PSG2: variants seen among roughly 807,000 people sequenced by gnomAD.
The protein encoded by PSG2 is pregnancy specific beta-1-glycoprotein 2, also known as pregnancy-specific beta-1-glycoprotein 2.
PSG2 carries 49 observed loss-of-function variants against 36.2 expected under a neutral mutation model. The observed-to-expected ratio is 1.35, with a 90% confidence interval of 1.08 to 1.72. PSG2 has a LOEUF of 1.72. PSG2 is among the 40% of genes most tolerant of loss of function. The pLI is 0.00. For synonymous variants in PSG2, 261 were observed against 155.6 expected, an observed-to-expected ratio of 1.68 and a Z score of -5.04; for missense variants, 605 against 407.2, an observed-to-expected ratio of 1.49 and a Z score of -4.18.
chr19:43,074,118 C>T (rs573972427), intron 3 of PSG2, among the ~76,000 whole-genome samples: 3 of 151,622 alleles, frequency 2.0e-5, no homozygotes, highest in Non-Finnish European at 2.9e-5. Flanking sequence ...TCTGTGTCAT[C>T]AGAACTTTCC....
At chr19:43,067,073 G>A (rs1487616958) in intron 4 of PSG2, among the ~76,000 whole-genome samples, 1 of 151,470 alleles carries the variant, frequency 6.6e-6, no homozygotes, top group South Asian at 2.1e-4. Flanking sequence ...CTCCCAGCAA[G>A]GGTGTGAAAG....
Position 43,071,703 on chromosome 19 carries a change from A to C in PSG2, c.961T>G (p.Ser321Ala). Residue 321 changes from serine (S) to alanine (A), a missense_variant, in exon 4 of 6, where the codon TCT becomes GCT. Physicochemically the swap from Ser to Ala is moderately conservative, Grantham distance 99. Transcript: ENST00000406487. Reference protein sequence around the residue: ...ESSTSLTVKVSASTRIGLLPL... With the variant: ...ESSTSLTVKVAASTRIGLLPL... ...AAGGATGCTGGGATCCACTTACCAG[A>C]GACTTTGACTGTCAACGATGTGGAG... 9 of 1,612,988 alleles carry C rather than the reference A, an allele frequency of 5.6e-6. 1 individual carries two copies. The highest frequency in any genetic ancestry group is 7.6e-6 in the Non-Finnish European group (9 of 1,179,492).
intron 3 of PSG2, among the ~76,000 whole-genome samples, chr19:43,073,302 A>G (rs988572137): frequency 7.9e-5 from 12 of 151,946 alleles, no homozygotes; most frequent in South Asian, 2.1e-4. Context: ...AATGATCTAG[A>G]AAGAGTGAAG....
At position 43,076,791 on chromosome 19, in the gene PSG2, G is replaced by A. The variant is rs1038977921; in HGVS notation, c.431-1159C>T. 4.7e-4 allele frequency among the ~76,000 whole-genome samples: 71 copies of A among 150,474 alleles called. 3 individuals are homozygous for A. The highest frequency in any genetic ancestry group is 1.3e-4 in the Admixed American group (2 of 15,142). On this transcript the variant is annotated intron_variant, in intron 2 of 5. Transcript: ENST00000406487. ...TTCATTCAGATAAAGTGCTCCTTAT[G>A]CAGAAAGCTTAAAACAAAGTGTTTT...
chr19:43,070,610 T>C (rs1292230542), intron 4 of PSG2, among the ~76,000 whole-genome samples: 1 of 151,692 alleles, frequency 6.6e-6, no homozygotes, highest in African/African-American at 2.4e-5. Flanking sequence ...GGATAATTAT[T>C]ATATAATTCC....
chr19:43,080,128 A>G (rs1263006738), intron 2 of PSG2, among the ~76,000 whole-genome samples: 1 of 151,846 alleles, frequency 6.6e-6, no homozygotes, highest in Non-Finnish European at 1.5e-5. Context: ...GCACCGTTAC[A>G]TCAGATCCCT....
At chr19:43,072,171 C>T (rs539997296) in intron 3 of PSG2, among the ~76,000 whole-genome samples, 3 of 151,760 alleles carry the variant, frequency 2.0e-5, no homozygotes, top group Admixed American at 1.3e-4. Flanking sequence ...CCGTCCACTC[C>T]CCTTATATTC....
chr19:43,078,681 G>C (rs1482696211), intron 2 of PSG2, among the ~76,000 whole-genome samples: 2 of 151,598 alleles, frequency 1.3e-5, no homozygotes, highest in African/African-American at 4.9e-5. Context: ...TCTAAGCCCT[G>C]ATCCACTGGG....
rs1967963922 is a variant in PSG2 at position 43,081,008 on chromosome 19, T to C, written c.303A>G (p.Ala101=). 1.9e-6 allele frequency: 3 copies of C among 1,613,170 alleles called. No homozygotes were observed. Among genetic ancestry groups the C allele is most frequent in the Non-Finnish European group, 2.5e-6 (3 of 1,179,720 alleles). Reference sequence around the variant, plus strand: ...GGATCAGCAGGGATGCATTGGAATATGCTGTTTCTCGTCCACTATATGCAG... The same window carrying C: ...GGATCAGCAGGGATGCATTGGAATACGCTGTTTCTCGTCCACTATATGCAG... ...YGPAYSGRET[A]YSNASLLIQN... Residue 101 remains alanine (A), a synonymous_variant, in exon 2 of 6, where the codon GCA becomes GCG. Coordinates refer to ENST00000406487, the MANE Select transcript of PSG2 (RefSeq NM_031246.4).
Position 43,064,523 on chromosome 19 carries a change from CT to C in PSG2, c.*118del. 1.6e-6 allele frequency: 1 copy of C among 610,014 alleles called. No individual in the cohort carries two copies. Among genetic ancestry groups the C allele is most frequent in the East Asian group, 3.0e-5 (1 of 32,826 alleles). 37.8% of individuals were successfully genotyped at this position (610,014 alleles called of 1,614,324 possible). On this transcript the variant is annotated 3_prime_UTR_variant, in exon 6 of 6. Transcript: ENST00000406487. Reference sequence around the variant, plus strand: ...CCTGTTCATTAAAATTTTGAAAGTTCTTAGTCCAGTGGTATGATCTTGAAGT... The same window carrying C: ...CCTGTTCATTAAAATTTTGAAAGTTCTAGTCCAGTGGTATGATCTTGAAGT...
In PSG2 at chr19:43,073,578, C is replaced by G. The variant is rs115188813; in HGVS notation, c.710-1624G>C. ...CAAATATTTTCTTTCATTGAACAAT[C>G]TACTCTGTGATTCCCTGGGTTCGAC... On this transcript the variant is annotated intron_variant, in intron 3 of 5. Transcript: ENST00000406487. Among the ~76,000 whole-genome samples the G allele has an allele frequency of 7.0e-3, 1,062 of 151,794 alleles. 36 individuals are homozygous for G. Among genetic ancestry groups the G allele is most frequent in the African/African-American group, 0.021 (866 of 41,188 alleles).
intron 4 of PSG2, 41 bp from the exon 5 acceptor site, chr19:43,066,641 T>C (rs758793621): frequency 3.1e-5 from 48 of 1,534,812 alleles, no homozygotes; most frequent in Non-Finnish European, 3.2e-5. Context: ...GAAGGTGATG[T>C]TATTTTACAT....
chr19:43,078,005 G>T (rs866036390), intron 2 of PSG2, among the ~76,000 whole-genome samples: 2 of 151,664 alleles, frequency 1.3e-5, no homozygotes, highest in Non-Finnish European at 2.9e-5. Flanking sequence ...ATGGAGTCAC[G>T]AGTGAAATGG....
intron 4 of PSG2, among the ~76,000 whole-genome samples, chr19:43,067,208 T>C (rs192070916): frequency 7.7e-4 from 117 of 151,596 alleles, no homozygotes; most frequent in Non-Finnish European, 1.4e-3. Context: ...TTGTTTTTCA[T>C]AGGAATCAGC....
chr19:43,075,906 C>T (rs1568514729), intron 2 of PSG2, among the ~76,000 whole-genome samples: 3 of 151,488 alleles, frequency 2.0e-5, no homozygotes, highest in Admixed American at 2.0e-4. Context: ...GCAGTCACAG[C>T]CCCTGGTGCC....
rs145977882 is a variant in PSG2 at position 43,073,732 on chromosome 19, G to A, written c.709+1622C>T. 2.5e-3 allele frequency among the ~76,000 whole-genome samples: 380 copies of A among 151,686 alleles called. 8 individuals are homozygous for A. Among genetic ancestry groups the A allele is most frequent in the African/African-American group, 9.1e-3 (375 of 41,092 alleles). ...TGCAGTTTCAGTTATGCAAGGTAGG[G>A]AGTTTCTAGAGATCTGCTGTAGAGC... On this transcript the variant is annotated intron_variant, in intron 3 of 5. Transcript: ENST00000406487.
intron 4 of PSG2, among the ~76,000 whole-genome samples, chr19:43,069,905 A>G (rs1221340060): frequency 1.3e-5 from 2 of 151,838 alleles, no homozygotes; most frequent in Non-Finnish European, 2.9e-5. Flanking sequence ...AAGGCAACCC[A>G]TGAAATGATA....
At chr19:43,069,711 T>C (rs1477348124) in intron 4 of PSG2, among the ~76,000 whole-genome samples, 2 of 151,498 alleles carry the variant, frequency 1.3e-5, no homozygotes, top group African/African-American at 4.9e-5. Context: ...CCATAATAGA[T>C]CAAAGATCTA....
rs1159857398 is a variant in PSG2, at chr19:43,066,562, T to A, written c.1003A>T (p.Thr335Ser). 1 of 1,599,072 alleles carries A rather than the reference T, an allele frequency of 6.3e-7. No individual in the cohort carries two copies. The change falls in exon 5 of 6, where the codon ACA becomes TCA. Residue 335 changes from threonine to serine, a missense_variant. Transcript: ENST00000406487. The part of the protein sequence containing the change: ...RIGLLPLLNP[T>S] ...CAGAAATGACATCACAGCTGCTATG[T>A]TGGATTAAGGAGAGGAAGAAGTCCT...
Sources: gnomAD v4.1 joint callset for allele counts (sites outside exome capture counted in the v4.1 genomes callset) on GRCh38, gnomAD v4.1.1 for gene constraint, MANE v1.5 for transcripts, NCBI Gene and HGNC (gene_info 2026-07-23, HGNC 2026-07-21) for gene names.